PRRT1B: variants seen among roughly 807,000 people sequenced by gnomAD.
The protein encoded by PRRT1B is proline rich transmembrane protein 1B.
intron 1 of PRRT1B, among the ~76,000 whole-genome samples, chr9:131,546,598 G>A (rs1950976893): frequency 6.6e-6 from 1 of 151,912 alleles, no homozygotes; most frequent in African/African-American, 2.4e-5. Flanking sequence ...AGCTCCGGGA[G>A]ATGCTGGAGC....
At chr9:131,558,291 C>T (rs892290931) in exon 4 of PRRT1B, 24 of 400,164 alleles carry the variant, frequency 6.0e-5, no homozygotes, top group Admixed American at 3.1e-4. Context: ...AGATCCCTGC[C>T]GGTGGCCAGC....
In PRRT1B at chr9:131,557,961, T is replaced by C. The variant is rs1588552624; in HGVS notation, c.643-92T>C. The stretch of plus-strand genomic sequence containing the variant: ...TTTTCAGCATGTCAGTTTCTCAGTT[T>C]GTGGAACTGGGCCTAGCCCTCAATC... On this transcript the variant is annotated intron_variant, in intron 3 of 3. Transcript: ENST00000636672. 1.0e-5 allele frequency: 4 copies of C among 397,886 alleles called. No individual in the cohort carries two copies. The East Asian group carries it at 1.4e-4, about 14-fold the overall frequency. The allele number at this position is 397,886 out of a possible 1,614,324, so 24.6% of individuals were successfully genotyped here.
chr9:131,552,532 A>G (rs1234908669), intron 1 of PRRT1B, among the ~76,000 whole-genome samples: 1 of 152,224 alleles, frequency 6.6e-6, no homozygotes, highest in Non-Finnish European at 1.5e-5. Context: ...GGAGGCAGTC[A>G]GCCTGCGTAG....
intron 1 of PRRT1B, 108 bp downstream of exon 1, chr9:131,545,748 G>A (rs10114242): frequency 0.13 from 52,427 of 398,460 alleles, 7,924 homozygotes; most frequent in African/African-American, 0.53. Flanking sequence ...CGGGGCAGGT[G>A]CTGGCGGGGC....
intron 1 of PRRT1B, among the ~76,000 whole-genome samples, chr9:131,552,317 A>G (rs1183781111): frequency 6.6e-6 from 1 of 152,192 alleles, no homozygotes; most frequent in Admixed American, 6.6e-5. Flanking sequence ...GACCTCATGG[A>G]GCATGGTTAT....
chr9:131,546,555 C>A (rs1370150606), intron 1 of PRRT1B, among the ~76,000 whole-genome samples: 1 of 151,950 alleles, frequency 6.6e-6, no homozygotes, highest in Non-Finnish European at 1.5e-5. Context: ...CTTGAGAGCC[C>A]GGGGATGGGG....
exon 4 of PRRT1B, chr9:131,558,611 A>C: frequency 6.3e-6 from 1 of 158,548 alleles, no homozygotes. Context: ...GGACACTGCA[A>C]CCTCCGCCCC....
In PRRT1B at chr9:131,551,989, C is replaced by T. The variant is rs1440567224; in HGVS notation, c.26-2568C>T. 6.6e-6 allele frequency among the ~76,000 whole-genome samples: 1 copy of T among 152,186 alleles called. No homozygotes were observed. ...TGTATTTTTAGTAGAGACGAGGTGTCACTGTGTTGGCCAGGCTGGTCTGGA... is the reference window on the plus strand; with the variant it reads ...TGTATTTTTAGTAGAGACGAGGTGTTACTGTGTTGGCCAGGCTGGTCTGGA... On this transcript the variant is annotated intron_variant, in intron 1 of 3. Transcript: ENST00000636672. This position sits in a 1 kb window ranked among gnomAD's most constrained non-coding sequence, Gnocchi z 4.4.
At chr9:131,546,297 G>A (rs1950973931) in intron 1 of PRRT1B, among the ~76,000 whole-genome samples, 1 of 152,178 alleles carries the variant, frequency 6.6e-6, no homozygotes, top group East Asian at 1.9e-4. Flanking sequence ...GACAGGGACC[G>A]AGAGAGGTGG....
intron 3 of PRRT1B, among the ~76,000 whole-genome samples, chr9:131,557,161 A>G (rs745479585): frequency 1.1e-4 from 16 of 152,004 alleles, no homozygotes; most frequent in Admixed American, 2.6e-4. Flanking sequence ...CCATCCATCC[A>G]TCCACTCACC....
At chr9:131,548,321 T>G (rs1373609046) in intron 1 of PRRT1B, among the ~76,000 whole-genome samples, 2 of 151,912 alleles carry the variant, frequency 1.3e-5, no homozygotes, top group African/African-American at 2.4e-5. Context: ...CCTTCCACCC[T>G]CTATTCCTCC....
At chr9:131,546,674 G>A (rs2132005267) in intron 1 of PRRT1B, among the ~76,000 whole-genome samples, 1 of 140,550 alleles carries the variant, frequency 7.1e-6, no homozygotes, top group East Asian at 2.4e-4. Context: ...CTTGCCCAGC[G>A]GGGAGCCCGG....
chr9:131,554,927 G>A, exon 2 of PRRT1B: 1 of 386,272 alleles, frequency 2.6e-6, no homozygotes, highest in East Asian at 3.7e-5. Flanking sequence ...TGCAGCCCGC[G>A]CCGTCTGCGC....
At chr9:131,549,511 CTG>C (rs1195950171) in intron 1 of PRRT1B, among the ~76,000 whole-genome samples, 1 of 152,204 alleles carries the variant, frequency 6.6e-6, no homozygotes, top group Non-Finnish European at 1.5e-5. Flanking sequence ...TGGCCCAAGG[CTG>C]TCTCACTGAC....
At chr9:131,555,327 G>C (rs949547067) in intron 2 of PRRT1B, among the ~76,000 whole-genome samples, 2 of 151,724 alleles carry the variant, frequency 1.3e-5, no homozygotes, top group Non-Finnish European at 2.9e-5. Context: ...GGTGGAACCC[G>C]TGGGGAGGGA....
chr9:131,548,846 G>A lies in PRRT1B; in HGVS notation c.25+3206G>A, dbSNP rs996301323. Among the ~76,000 whole-genome samples the A allele has an allele frequency of 3.3e-5, 5 of 152,118 alleles. 1 individual carries two copies. In the South Asian group the frequency reaches 8.3e-4, roughly 25 times the overall value. On this transcript the variant is annotated intron_variant, in intron 1 of 3. Coordinates refer to ENST00000636672, the Ensembl canonical transcript of PRRT1B. ...GGTCTGGCTTACAGTTTAATTCTGC[G>A]ACTAGCCCTCCCCCACCTGCCCAGC... is the stretch of plus-strand genomic sequence containing the variant.
intron 3 of PRRT1B, among the ~76,000 whole-genome samples, chr9:131,557,774 A>C (rs1951059894): frequency 6.6e-6 from 1 of 152,186 alleles, no homozygotes; most frequent in South Asian, 2.1e-4. Flanking sequence ...TTGTTTCCAT[A>C]TCTGCAAAGT....
chr9:131,550,012 T>C (rs1951000175), intron 1 of PRRT1B, among the ~76,000 whole-genome samples: 1 of 152,068 alleles, frequency 6.6e-6, no homozygotes, highest in African/African-American at 2.4e-5. Flanking sequence ...ATGCACCCCT[T>C]ACCATCCTAT....
intron 1 of PRRT1B, among the ~76,000 whole-genome samples, chr9:131,550,086 G>C (rs1951000688): frequency 6.6e-6 from 1 of 152,038 alleles, no homozygotes; most frequent in South Asian, 2.1e-4. Flanking sequence ...GCTTTAAAAG[G>C]ATTAAAGCCT....
Sources: gnomAD v4.1 joint callset for allele counts (sites outside exome capture counted in the v4.1 genomes callset) on GRCh38, gnomAD v4.1.1 for gene constraint, Gnocchi (gnomAD v3.1) non-coding constraint, MANE v1.5 for transcripts, NCBI Gene and HGNC (gene_info 2026-07-23, HGNC 2026-07-21) for gene names.